The following EPHB1 variants were observed in gnomAD, a reference collection of about 807,000 sequenced individuals.
The protein encoded by EPHB1 is EPH receptor B1.
A neutral mutation model predicts 94.4 loss-of-function variants in EPHB1; 30 were observed. The ratio of observed to expected loss-of-function variants is 0.32; its 90% CI spans 0.24 to 0.43. The LOEUF (loss-of-function observed/expected upper bound fraction) is 0.43. Among genes scored for constraint, EPHB1 ranks in the 20% least tolerant of loss-of-function variants. EPHB1 has a pLI of 1.00. For missense variants in EPHB1, 1,055 were observed against 1,308.3 expected, an observed-to-expected ratio of 0.81 and a Z score of 2.99; for synonymous variants, 522 against 489.1, an observed-to-expected ratio of 1.07 and a Z score of -0.89.
In EPHB1 at chr3:135,166,977, A is replaced by G. The variant is rs1410311147; in HGVS notation, c.1730A>G (p.Asp577Gly). 6.8e-6 allele frequency: 11 copies of G among 1,614,200 alleles called. No homozygotes were observed. Among genetic ancestry groups the G allele is most frequent in the Non-Finnish European group, 9.3e-6 (11 of 1,180,020 alleles). Residue 577 changes from aspartate to glycine, a missense_variant, in exon 9 of 16, where the codon GAT becomes GGT. Coordinates refer to ENST00000398015, the MANE Select transcript of EPHB1 (RefSeq NM_004441.5). ...TATAGCAAAGAGGCTGTGTACAGCG[A>G]TAAGCTCCAGCATTACAGCACAGGC... ...RAYSKEAVYS[D>G]KLQHYSTGRG...
At chr3:135,126,818 A>G (rs911688246) in intron 4 of EPHB1, among the ~76,000 whole-genome samples, 14 of 152,180 alleles carry the variant, frequency 9.2e-5, no homozygotes, top group Admixed American at 5.9e-4. Flanking sequence ...ATGGGCTCCT[A>G]CATCAGGTTT....
At chr3:134,827,561 A>G (rs1380370702) in intron 1 of EPHB1, among the ~76,000 whole-genome samples, 1 of 152,246 alleles carries the variant, frequency 6.6e-6, no homozygotes, top group East Asian at 1.9e-4. Flanking sequence ...TTGTGACTAC[A>G]GCAGAAACAG....
In EPHB1 at chr3:134,951,433, T is replaced by C. The variant is rs766833075; in HGVS notation, c.186T>C (p.Asn62=). Residue 62 remains asparagine, a synonymous_variant, in exon 3 of 16, where the codon AAT becomes AAC. Coordinates refer to ENST00000398015, the MANE Select transcript of EPHB1 (RefSeq NM_004441.5). This position sits in a 1 kb window ranked among gnomAD's most constrained non-coding sequence, Gnocchi z 4.5. ...CCATCCGCACCTACCAGGTGTGCAATGTCTTCGAGCCCAACCAGAACAATT... is the reference window on the plus strand; with the variant it reads ...CCATCCGCACCTACCAGGTGTGCAACGTCTTCGAGCCCAACCAGAACAATT... ...LNTIRTYQVC[N]VFEPNQNNWL... The C allele has an allele frequency of 1.4e-5, 22 of 1,608,938 alleles. No homozygotes were observed. Among genetic ancestry groups the C allele is most frequent in the Non-Finnish European group, 1.7e-5 (20 of 1,176,992 alleles).
rs548094239 is a variant in EPHB1 at position 135,184,764 on chromosome 3, G to C, written c.1882+4782G>C. Among the ~76,000 whole-genome samples, 162 of 152,326 alleles carry C rather than the reference G, an allele frequency of 1.1e-3. 1 individual carries two copies. Among genetic ancestry groups the C allele is most frequent in the African/African-American group, 3.7e-3 (154 of 41,572 alleles). On this transcript the variant is annotated intron_variant, in intron 10 of 15. Transcript: ENST00000398015. ...TCTTCCTCTTCTCACTGTAGATAATGAGAGTAATTGAAGTATCTTCACAGA... is the reference window on the plus strand; with the variant it reads ...TCTTCCTCTTCTCACTGTAGATAATCAGAGTAATTGAAGTATCTTCACAGA...
intron 4 of EPHB1, among the ~76,000 whole-genome samples, chr3:135,119,697 CT>C: frequency 6.6e-6 from 1 of 152,330 alleles, no homozygotes; most frequent in South Asian, 2.1e-4. Flanking sequence ...AGTGATCCCC[CT>C]GTCTTGGCCT....
At chr3:135,084,921 G>A (rs189768489) in intron 3 of EPHB1, among the ~76,000 whole-genome samples, 5 of 152,264 alleles carry the variant, frequency 3.3e-5, no homozygotes, top group Admixed American at 3.3e-4. Context: ...CAAAGGTGAG[G>A]GAATTACTCT....
At chr3:135,183,000 C>CTTTTCTTT (rs200428522) in intron 10 of EPHB1, among the ~76,000 whole-genome samples, 2 of 65,582 alleles carry the variant, frequency 3.0e-5, no homozygotes, top group South Asian at 1.4e-3. Flanking sequence ...CTTTTCTTTT[C>CTTTTCTTT]TTTTCTTTTC....
intron 1 of EPHB1, among the ~76,000 whole-genome samples, chr3:134,846,997 G>A (rs193080016): frequency 4.1e-4 from 63 of 152,250 alleles, no homozygotes; most frequent in Middle Eastern, 3.4e-3. Flanking sequence ...TTACCCCTGG[G>A]CCTCTGTGGA....
intron 3 of EPHB1, among the ~76,000 whole-genome samples, chr3:135,049,639 C>T (rs181817067): frequency 1.3e-5 from 2 of 152,282 alleles, no homozygotes; most frequent in Non-Finnish European, 2.9e-5. Flanking sequence ...GGTTGGTTAA[C>T]CATTTACAGA....
intron 2 of EPHB1, among the ~76,000 whole-genome samples, chr3:134,934,495 G>A (rs62270317): frequency 0.078 from 11,910 of 152,196 alleles, 509 homozygotes; most frequent in African/African-American, 0.1. Context: ...GAGCAGCAAG[G>A]CCACTGCTCT....
At chr3:135,125,405 C>A (rs1461323016) in intron 4 of EPHB1, among the ~76,000 whole-genome samples, 5 of 152,044 alleles carry the variant, frequency 3.3e-5, no homozygotes, top group African/African-American at 1.2e-4. Context: ...GGTCCTGAAC[C>A]AACATGCTGC....
chr3:135,173,835 G>T (rs919690124), intron 9 of EPHB1, among the ~76,000 whole-genome samples: 2 of 152,144 alleles, frequency 1.3e-5, no homozygotes, highest in Admixed American at 6.5e-5. Context: ...AACCACATGT[G>T]CCAGCCCCTC....
At chr3:135,151,172 C>T (rs1941182183) in intron 5 of EPHB1, among the ~76,000 whole-genome samples, 1 of 152,204 alleles carries the variant, frequency 6.6e-6, no homozygotes, top group Non-Finnish European at 1.5e-5. Flanking sequence ...ATTTGGAGCA[C>T]AGCAGAGAGT....
rs150386327 is a variant in EPHB1, at chr3:134,949,885, A to C, written c.124-1486A>C. Among the ~76,000 whole-genome samples the C allele has an allele frequency of 3.2e-3, 484 of 152,130 alleles. 3 individuals are homozygous for C. Among genetic ancestry groups the C allele is most frequent in the African/African-American group, 0.011 (466 of 41,514 alleles). On this transcript the variant is annotated intron_variant, in intron 2 of 15. Transcript: ENST00000398015. ...ACAAGGAAGAAAGAATGACCCAGCAACTCTTCTTTGACCCCTGCCCTAGAG... is the reference window on the plus strand; with the variant it reads ...ACAAGGAAGAAAGAATGACCCAGCACCTCTTCTTTGACCCCTGCCCTAGAG...
intron 9 of EPHB1, among the ~76,000 whole-genome samples, chr3:135,177,692 C>T (rs2076741930): frequency 6.6e-6 from 1 of 152,166 alleles, no homozygotes; most frequent in Admixed American, 6.5e-5. Context: ...GGGATCACCA[C>T]CCAGATAAGC....
chr3:134,870,740 T>A (rs1322540950), intron 1 of EPHB1, among the ~76,000 whole-genome samples: 1 of 152,240 alleles, frequency 6.6e-6, no homozygotes, highest in Non-Finnish European at 1.5e-5. Context: ...AAATACCTAC[T>A]GCACATAGTG....
intron 1 of EPHB1, among the ~76,000 whole-genome samples, chr3:134,833,651 G>A (rs2036617879): frequency 6.6e-6 from 1 of 152,210 alleles, no homozygotes; most frequent in Non-Finnish European, 1.5e-5. Context: ...AGGAGGCAGA[G>A]TATGCTGTGG....
At chr3:135,085,643 G>C (rs1938334062) in intron 3 of EPHB1, among the ~76,000 whole-genome samples, 1 of 152,204 alleles carries the variant, frequency 6.6e-6, no homozygotes, top group Admixed American at 6.5e-5. Context: ...CTTGTCCTGA[G>C]GACCCGGGCC....
Position 134,795,512 on chromosome 3 carries a change from C to A in EPHB1, c.-120C>A, listed in dbSNP as rs1381356392. 6 of 957,604 alleles carry A rather than the reference C, an allele frequency of 6.3e-6. No individual in the cohort carries two copies. Among genetic ancestry groups the A allele is most frequent in the Non-Finnish European group, 9.2e-6 (6 of 649,432 alleles). The allele number at this position is 957,604 out of a possible 1,614,324, so 59.3% of individuals were successfully genotyped here. On this transcript the variant is annotated 5_prime_UTR_variant, in exon 1 of 16. Coordinates refer to ENST00000398015, the MANE Select transcript of EPHB1 (RefSeq NM_004441.5). Reference sequence around the variant, plus strand: ...AGCGCTCCGGGAAGTCCGGTCCGGGCGAGAGCGCGAAAGGATACCGAGAAG... The same window carrying A: ...AGCGCTCCGGGAAGTCCGGTCCGGGAGAGAGCGCGAAAGGATACCGAGAAG...
Sources: gnomAD v4.1 joint callset for allele counts (sites outside exome capture counted in the v4.1 genomes callset) on GRCh38, gnomAD v4.1.1 for gene constraint, Gnocchi (gnomAD v3.1) non-coding constraint, MANE v1.5 for transcripts, NCBI Gene and HGNC (gene_info 2026-07-23, HGNC 2026-07-21) for gene names.